GRIN3B: variants seen among roughly 807,000 people sequenced by gnomAD.
GRIN3B encodes the protein glutamate ionotropic receptor NMDA type subunit 3B.
In GRIN3B, 77 loss-of-function variants were observed where a neutral mutation model predicts 66.0. The ratio of observed to expected loss-of-function variants is 1.17; its 90% CI spans 0.97 to 1.41. GRIN3B has a LOEUF of 1.41. GRIN3B is among the 40% of genes most tolerant of loss of function. GRIN3B has a pLI of 0.00. For synonymous variants in GRIN3B, 823 were observed against 749.7 expected, an observed-to-expected ratio of 1.10 and a Z score of -1.60; for missense variants, 1,787 against 1,564.5, an observed-to-expected ratio of 1.14 and a Z score of -2.40.
Position 1,003,218 on chromosome 19 carries a change from A to G in GRIN3B, c.515A>G (p.Glu172Gly). 1 of 1,570,086 alleles carries G rather than the reference A, an allele frequency of 6.4e-7. No individual in the cohort carries two copies. Among genetic ancestry groups the G allele is most frequent in the African/African-American group, 1.4e-5 (1 of 71,994 alleles). ...GCGGTGCTGCAGGCGCACGCCTGGG[A>G]AGACGTCGGCCTGGCCCTGTGCCGC... ...LVAVLQAHAW[E>G]DVGLALCRTQ... The change falls in exon 2 of 9, where the codon GAA becomes GGA. Residue 172 changes from glutamate (E) to glycine (G), a missense_variant. Physicochemically the swap from Glu to Gly is moderately conservative, Grantham distance 98. Coordinates refer to ENST00000234389, the MANE Select transcript of GRIN3B (RefSeq NM_138690.3).
Position 1,009,365 on chromosome 19 carries a change from C to T in GRIN3B, c.2895C>T (p.Ser965=). 2.2e-6 allele frequency: 3 copies of T among 1,379,342 alleles called. No homozygotes were observed. Among genetic ancestry groups the T allele is most frequent in the Admixed American group, 3.8e-5 (1 of 26,352 alleles). The allele number at this position is 1,379,342 out of a possible 1,614,324, so 85.4% of individuals were successfully genotyped here. ...GAGAGGGCCCCGTCTGGCTGTGCTCCTACGGCCGCCCGCCCGCCGCAAGGC... is the reference window on the plus strand; with the variant it reads ...GAGAGGGCCCCGTCTGGCTGTGCTCTTACGGCCGCCCGCCCGCCGCAAGGC... ...APREGPVWLC[S]YGRPPAARPT... Residue 965 remains serine, a synonymous_variant, in exon 9 of 9, where the codon TCC becomes TCT. Transcript: ENST00000234389.
At position 1,003,161 on chromosome 19, in the gene GRIN3B, G is replaced by A; in HGVS notation, c.458G>A (p.Ser153Asn). 1 of 1,482,968 alleles carries A rather than the reference G, an allele frequency of 6.7e-7. No homozygotes were observed. Among genetic ancestry groups the A allele is most frequent in the South Asian group, 1.4e-5 (1 of 71,606 alleles). The allele number at this position is 1,482,968 out of a possible 1,614,324, so 91.9% of individuals were successfully genotyped here. A position where few individuals can be genotyped will look rare whatever the true frequency, so the allele number is the denominator to read the frequency against. Residue 153 changes from serine to asparagine, a missense_variant, in exon 2 of 9, where the codon AGC becomes AAC. Ser to Asn is a conservative substitution (Grantham distance 46). Coordinates refer to ENST00000234389, the MANE Select transcript of GRIN3B (RefSeq NM_138690.3). ...NPFHLQLHWA[S>N]PLETLLDVLV... is the part of the protein sequence containing the mutation. ...TTCCACCTGCAGCTGCACTGGGCCAGCCCCCTGGAGACGCTGCTGGATGTG... is the reference window on the plus strand; with the variant it reads ...TTCCACCTGCAGCTGCACTGGGCCAACCCCCTGGAGACGCTGCTGGATGTG...
rs141558101 is a variant in GRIN3B at position 1,005,067 on chromosome 19, C to T, written c.1566C>T (p.Ala522=). The T allele has an allele frequency of 7.6e-4, 1,228 of 1,611,362 alleles. 6 individuals carry two copies. In the African/African-American group the frequency reaches 0.013, roughly 17 times the overall value. ...RWTGLVGDLL[A]GRAHMAVTSF... ...CCGGCCTGGTCGGGGACCTGCTGGC[C>T]GGCCGGGCCCACATGGCGGTCACCA... The change falls in exon 3 of 9, where the codon GCC becomes GCT. Residue 522 remains alanine (A), a synonymous_variant. Transcript: ENST00000234389. This position sits in a 1 kb window ranked among gnomAD's most constrained non-coding sequence, Gnocchi z 5.2.
chr19:1,009,321 G>A lies in GRIN3B; in HGVS notation c.2851G>A (p.Glu951Lys), dbSNP rs890936287. Reference protein sequence around the residue: ...AVVVAPEADAEAEAAPREGPV... With the variant: ...AVVVAPEADAKAEAAPREGPV... ...GGTTGTGGCACCCGAAGCGGACGCG[G>A]AGGCGGAGGCTGCGCCGCGAGAGGG... Residue 951 changes from glutamate (E) to lysine (K), a missense_variant, in exon 9 of 9, where the codon GAG becomes AAG. Coordinates refer to ENST00000234389, the MANE Select transcript of GRIN3B (RefSeq NM_138690.3). The A allele has an allele frequency of 5.7e-6, 8 of 1,402,108 alleles. No homozygotes were observed. Among genetic ancestry groups the A allele is most frequent in the South Asian group, 1.5e-5 (1 of 64,932 alleles). The allele number at this position is 1,402,108 out of a possible 1,614,324, so 86.9% of individuals were successfully genotyped here.
At chr19:1,006,254 T>G (rs1292745865) in intron 3 of GRIN3B, among the ~76,000 whole-genome samples, 1 of 152,072 alleles carries the variant, frequency 6.6e-6, no homozygotes, top group Non-Finnish European at 1.5e-5. Context: ...GCTCAAGCGA[T>G]TCTCCTGCCT....
At position 1,005,406 on chromosome 19, in the gene GRIN3B, G is replaced by A. The variant is rs1213098831; in HGVS notation, c.1905G>A (p.Lys635=). The A allele has an allele frequency of 1.2e-6, 2 of 1,613,580 alleles. No individual in the cohort carries two copies. Among genetic ancestry groups the A allele is most frequent in the African/African-American group, 2.7e-5 (2 of 74,928 alleles). Residue 635 remains lysine (K), a synonymous_variant, in exon 3 of 9, where the codon AAG becomes AAA. Transcript: ENST00000234389. The surrounding 1 kb of genome is among the most constrained non-coding windows in gnomAD (Gnocchi z 5.2). ...TCTTCAGACGCACCGTGTCCAGCAA[G>A]ACGCCCAAGTGCCCCACGGGCCGCC... ...AILFRRTVSS[K]TPKCPTGRLL...
intron 1 of GRIN3B, chr19:1,002,692 A>T (rs1236275466): frequency 6.2e-6 from 1 of 161,056 alleles, no homozygotes; most frequent in Non-Finnish European, 1.3e-5. Flanking sequence ...AGGTGAGGTC[A>T]GGACTGTAAA....
At chr19:1,009,149 T>C (rs1407544950) in intron 8 of GRIN3B, 24 bp from the exon 9 acceptor site, 3 of 1,446,824 alleles carry the variant, frequency 2.1e-6, no homozygotes, top group African/African-American at 1.4e-5. Context: ...CGGCGGACAC[T>C]GACCAGGCCG....
Position 1,005,304 on chromosome 19 carries a change from C to A in GRIN3B, c.1803C>A (p.Tyr601Ter). ...FLTVYEWRSP[Y>*]GLTPRGRNRS... is the part of the protein sequence containing the mutation. ...CCGTGTACGAGTGGCGTAGCCCCTA[C>A]GGCCTCACGCCACGTGGCCGCAACC... Residue 601 changes from tyrosine (Y) to a stop codon, truncating the protein, a stop_gained, in exon 3 of 9, where the codon TAC becomes TAA. Transcript: ENST00000234389. LOFTEE classifies it high-confidence loss of function. The surrounding 1 kb of genome is among the most constrained non-coding windows in gnomAD (Gnocchi z 5.2). 1 of 1,613,618 alleles carries A rather than the reference C, an allele frequency of 6.2e-7. No homozygotes were observed. Among genetic ancestry groups the A allele is most frequent in the Non-Finnish European group, 8.5e-7 (1 of 1,179,972 alleles).
chr19:1,006,354 C>G (rs2038748770), intron 3 of GRIN3B, among the ~76,000 whole-genome samples: 2 of 151,588 alleles, frequency 1.3e-5, no homozygotes, highest in Non-Finnish European at 2.9e-5. Context: ...ACCATGTTGG[C>G]CAGGCTGGTC....
intron 8 of GRIN3B, 56 bp from the exon 9 acceptor site, chr19:1,009,117 C>T (rs974661765): frequency 3.3e-4 from 470 of 1,442,620 alleles, no homozygotes; most frequent in Non-Finnish European, 4.0e-4. Flanking sequence ...CTGCAGAGGC[C>T]CAGGGCGCGA....
Position 1,008,769 on chromosome 19 carries a change from T to C in GRIN3B, c.2618T>C (p.Leu873Pro). The C allele has an allele frequency of 1.9e-6, 3 of 1,603,590 alleles. No individual in the cohort carries two copies. Among genetic ancestry groups the C allele is most frequent in the Non-Finnish European group, 2.6e-6 (3 of 1,175,848 alleles). ...AAGGGGAGCAGGCTGCAGTACTGGC[T>C]GCACACCAGCCAGGTGGGGAGCGGG... Reference protein sequence around the residue: ...IRKGSRLQYWLHTSQKIHRAL... With the variant: ...IRKGSRLQYWPHTSQKIHRAL... Residue 873 changes from leucine (L) to proline (P), a missense_variant, in exon 7 of 9, where the codon CTG becomes CCG. Physicochemically the swap from Leu to Pro is moderately conservative, Grantham distance 98 (BLOSUM62 -3). Coordinates refer to ENST00000234389, the MANE Select transcript of GRIN3B (RefSeq NM_138690.3).
chr19:1,005,361 C>T lies in GRIN3B; in HGVS notation c.1860C>T (p.Leu620=), dbSNP rs2038736779. The change falls in exon 3 of 9, where the codon CTC becomes CTT. Residue 620 remains leucine, a synonymous_variant. Coordinates refer to ENST00000234389, the MANE Select transcript of GRIN3B (RefSeq NM_138690.3). This position sits in a 1 kb window ranked among gnomAD's most constrained non-coding sequence, Gnocchi z 5.2. ...CCGTCTTCTCCTACTCCTCAGCCCT[C>T]AACCTGTGCTACGCCATCCTCTTCA... ...RSTVFSYSSA[L]NLCYAILFRR... The T allele has an allele frequency of 1.9e-6, 3 of 1,613,772 alleles. No individual in the cohort carries two copies. The East Asian group carries it at 6.7e-5, about 36-fold the overall frequency.
chr19:1,004,630 C>T lies in GRIN3B; in HGVS notation c.1129C>T (p.Pro377Ser). 1 of 1,601,732 alleles carries T rather than the reference C, an allele frequency of 6.2e-7. No homozygotes were observed. Among genetic ancestry groups the T allele is most frequent in the Non-Finnish European group, 8.5e-7 (1 of 1,174,780 alleles). Residue 377 changes from proline (P) to serine (S), a missense_variant, in exon 3 of 9, where the codon CCA becomes TCA. Coordinates refer to ENST00000234389, the MANE Select transcript of GRIN3B (RefSeq NM_138690.3). ...HFKVWSLRRD[P>S]RGAPAWATVG... The stretch of plus-strand genomic sequence containing the variant: ...TAAGGTGTGGAGCCTTCGCCGGGAC[C>T]CACGGGGCGCCCCGGCCTGGGCCAC...
Position 1,000,545 on chromosome 19 carries a change from C to A in GRIN3B, c.108C>A (p.Ser36=). ...GCGTCCTGGCGCGCCTCGGGGGCTC[C>A]GTGCGCCTGGGCGCCCTCCTGCCCC... The part of the protein sequence containing the change: ...PCGVLARLGG[S]VRLGALLPRA... Residue 36 remains serine (S), a synonymous_variant, in exon 1 of 9, where the codon TCC becomes TCA. Transcript: ENST00000234389. 2 of 1,144,420 alleles carry A rather than the reference C, an allele frequency of 1.7e-6. No homozygotes were observed. The highest frequency in any genetic ancestry group is 2.1e-6 in the Non-Finnish European group (2 of 932,482). 70.9% of individuals were successfully genotyped at this position (1,144,420 alleles called of 1,614,324 possible). A position where few individuals can be genotyped will look rare whatever the true frequency, so the allele number is the denominator to read the frequency against.
chr19:1,006,734 G>A (rs2038753031), intron 3 of GRIN3B, among the ~76,000 whole-genome samples: 1 of 152,188 alleles, frequency 6.6e-6, no homozygotes, highest in South Asian at 2.1e-4. Context: ...CTGTGAAACG[G>A]TAGTAAAGCG....
rs753647825 is a variant in GRIN3B, at chr19:1,005,523, C to T, written c.2022C>T (p.Phe674=). 9.3e-6 allele frequency: 15 copies of T among 1,610,316 alleles called. No individual in the cohort carries two copies. The East Asian group carries it at 2.7e-4, about 29-fold the overall frequency. ...LAAVMVGDKT[F]EELSGIHDPK... ...CCGTCATGGTCGGGGACAAGACCTT[C>T]GAGGAGCTGTCGGGGATCCACGACC... Residue 674 remains phenylalanine (F), a synonymous_variant, in exon 3 of 9, where the codon TTC becomes TTT. Transcript: ENST00000234389. This position sits in a 1 kb window ranked among gnomAD's most constrained non-coding sequence, Gnocchi z 5.2.
At chr19:1,008,387 G>A (rs2038785892) in intron 6 of GRIN3B, 96 bp downstream of exon 6, 1 of 1,225,044 alleles carries the variant, frequency 8.2e-7, no homozygotes, top group Admixed American at 2.1e-5. Context: ...TCATTCCCCA[G>A]ACGTGCGTTT....
At position 1,008,816 on chromosome 19, in the gene GRIN3B, C is replaced by A. The variant is rs771669602; in HGVS notation, c.2631+34C>A. ...CGGGTGGGCGGCGGGCGGCCCCACC[C>A]CCCCCGCCTCCTCGCCAACCGGGTC... On this transcript the variant is annotated intron_variant, in intron 7 of 8. Coordinates refer to ENST00000234389, the MANE Select transcript of GRIN3B (RefSeq NM_138690.3). 1.4e-5 allele frequency: 23 copies of A among 1,590,552 alleles called. No individual in the cohort carries two copies. In the East Asian group the frequency reaches 4.9e-4, roughly 34 times the overall value.
Sources: gnomAD v4.1 joint callset for allele counts (sites outside exome capture counted in the v4.1 genomes callset) on GRCh38, gnomAD v4.1.1 for gene constraint, Gnocchi (gnomAD v3.1) non-coding constraint, MANE v1.5 for transcripts, NCBI Gene and HGNC (gene_info 2026-07-23, HGNC 2026-07-21) for gene names.